TSHZ3: variants seen among roughly 807,000 people sequenced by gnomAD.
The protein encoded by TSHZ3 is teashirt homolog 3.
In TSHZ3, 10 loss-of-function variants were observed where a neutral mutation model predicts 64.5. The observed-to-expected ratio is 0.16, with a 90% confidence interval of 0.10 to 0.26. The LOEUF (loss-of-function observed/expected upper bound fraction) is 0.26, where lower values mean the gene tolerates loss of function less well. TSHZ3 is among the 10% of genes least tolerant of loss of function. The pLI is 1.00. For synonymous variants in TSHZ3, 608 were observed against 593.1 expected, an observed-to-expected ratio of 1.03 and a Z score of -0.36; for missense variants, 1,242 against 1,421.7, an observed-to-expected ratio of 0.87 and a Z score of 2.03.
chr19:31,178,482 C>T (rs1974647539), intron 5 of TSHZ3, among the ~76,000 whole-genome samples: 1 of 152,146 alleles, frequency 6.6e-6, no homozygotes, highest in South Asian at 2.1e-4. Flanking sequence ...GAGTTCAAGA[C>T]CAGCTTGGCC....
At chr19:31,241,686 G>A (rs1975692028) in intron 3 of TSHZ3, among the ~76,000 whole-genome samples, 1 of 152,166 alleles carries the variant, frequency 6.6e-6, no homozygotes, top group African/African-American at 2.4e-5. Context: ...AGCTCAGCAT[G>A]CCCACCATCC....
At position 31,276,837 on chromosome 19, in the gene TSHZ3, T is replaced by G; in HGVS notation, c.2956A>C (p.Arg986=). The change falls in exon 2 of 2, where the codon AGG becomes CGG. Residue 986 remains arginine, a synonymous_variant. Transcript: ENST00000240587. The part of the protein sequence containing the change: ...FFCNDCASQI[R]TPSTYISHLE... ...TGACTGATGTACGTGGAAGGAGTCC[T>G]GATTTGGGACGCACAATCGTTACAA... 6.2e-7 allele frequency: 1 copy of G among 1,614,236 alleles called. No homozygotes were observed. The highest frequency in any genetic ancestry group is 2.2e-5 in the East Asian group (1 of 44,874).
intron 5 of TSHZ3, among the ~76,000 whole-genome samples, chr19:31,161,588 T>C (rs1219338809): frequency 2.0e-5 from 3 of 152,148 alleles, no homozygotes; most frequent in African/African-American, 7.2e-5. Context: ...TAAGAGATGT[T>C]CTCTGAGTCG....
In TSHZ3 at chr19:31,279,538, C is replaced by T. The variant is rs775547291; in HGVS notation, c.255G>A (p.Met85Ile). 1 of 1,610,634 alleles carries T rather than the reference C, an allele frequency of 6.2e-7. No homozygotes were observed. The highest frequency in any genetic ancestry group is 1.1e-5 in the South Asian group (1 of 90,846). Residue 85 changes from methionine (M) to isoleucine (I), a missense_variant, in exon 2 of 2, where the codon ATG (methionine) becomes ATA (isoleucine). Met to Ile is a conservative substitution (Grantham distance 10). Transcript: ENST00000240587. This position sits in a 1 kb window ranked among gnomAD's most constrained non-coding sequence, Gnocchi z 6.4. ...TGATGGAGCCGCTTTCAAAGTCAGC[C>T]ATTCGGTCACTGGTCTCACTGATGT... is the stretch of plus-strand genomic sequence containing the variant. Reference protein sequence around the residue: ...ESHISETSDRMADFESGSIKN... With the variant: ...ESHISETSDRIADFESGSIKN...
chr19:31,284,326 C>T (rs529257709), intron 1 of TSHZ3, among the ~76,000 whole-genome samples: 2 of 152,140 alleles, frequency 1.3e-5, no homozygotes, highest in East Asian at 3.9e-4. Flanking sequence ...ACCCCATCCC[C>T]AACCAACTCC....
chr19:31,152,325 G>A (rs1175072505), intron 6 of TSHZ3, among the ~76,000 whole-genome samples: 3 of 151,888 alleles, frequency 2.0e-5, no homozygotes, highest in Non-Finnish European at 4.4e-5. Flanking sequence ...TATGTGGAAG[G>A]TGCTTCTGTT....
chr19:31,250,615 A>G (rs1568359737), intron 1 of TSHZ3, among the ~76,000 whole-genome samples: 2 of 152,106 alleles, frequency 1.3e-5, no homozygotes, highest in African/African-American at 4.8e-5. Context: ...TACGCTAAGT[A>G]TTTTTTTTAT....
intron 5 of TSHZ3, among the ~76,000 whole-genome samples, chr19:31,166,904 C>T (rs1490745708): frequency 3.3e-5 from 5 of 152,152 alleles, no homozygotes; most frequent in Admixed American, 2.0e-4. Flanking sequence ...AGGTAGATGA[C>T]AGTACAAGGA....
intron 5 of TSHZ3, among the ~76,000 whole-genome samples, chr19:31,202,437 C>T (rs1362626955): frequency 6.6e-6 from 1 of 151,824 alleles, no homozygotes; most frequent in Non-Finnish European, 1.5e-5. Context: ...AAGCTATTTG[C>T]TGTTTTGTAA....
intron 1 of TSHZ3, among the ~76,000 whole-genome samples, chr19:31,330,220 G>T (rs1917041821): frequency 6.6e-6 from 1 of 151,932 alleles, no homozygotes; most frequent in East Asian, 1.9e-4. Flanking sequence ...AAATTTGGGG[G>T]CAAAAATAAA....
intron 4 of TSHZ3, among the ~76,000 whole-genome samples, chr19:31,218,592 T>C (rs1410411628): frequency 6.6e-6 from 1 of 152,154 alleles, no homozygotes; most frequent in Non-Finnish European, 1.5e-5. Context: ...ACATAAAAAC[T>C]CCCACGTGGA....
chr19:31,171,080 G>A (rs1254289965), intron 5 of TSHZ3, among the ~76,000 whole-genome samples: 1 of 152,120 alleles, frequency 6.6e-6, no homozygotes, highest in African/African-American at 2.4e-5. Flanking sequence ...TTTACACTTG[G>A]TGGGAAAAAT....
chr19:31,262,266 C>T (rs952375123), intron 1 of TSHZ3, among the ~76,000 whole-genome samples: 5 of 152,222 alleles, frequency 3.3e-5, no homozygotes, highest in Admixed American at 1.3e-4. Flanking sequence ...TACAGTACTT[C>T]AGTGCTGAGG....
At chr19:31,342,104 T>TTTA (rs1429625749) in intron 1 of TSHZ3, among the ~76,000 whole-genome samples, 1 of 152,266 alleles carries the variant, frequency 6.6e-6, no homozygotes, top group Non-Finnish European at 1.5e-5. Context: ...CCATATTACC[T>TTTA]TTATTATGTG....
intron 4 of TSHZ3, among the ~76,000 whole-genome samples, chr19:31,208,635 A>G (rs1975219514): frequency 6.6e-6 from 1 of 152,242 alleles, no homozygotes; most frequent in African/African-American, 2.4e-5. Context: ...TAGGATTAGA[A>G]GAGTCATAGC....
chr19:31,235,763 T>C (rs1163178266), intron 3 of TSHZ3, among the ~76,000 whole-genome samples: 4 of 145,008 alleles, frequency 2.8e-5, no homozygotes, highest in Non-Finnish European at 6.0e-5. Context: ...CAGGCTGGAG[T>C]GCAGTGGCAC....
At position 31,277,609 on chromosome 19, in the gene TSHZ3, G is replaced by C; in HGVS notation, c.2184C>G (p.Val728=). The C allele has an allele frequency of 6.3e-7, 1 of 1,586,628 alleles. No individual in the cohort carries two copies. Among genetic ancestry groups the C allele is most frequent in the African/African-American group, 1.3e-5 (1 of 74,270 alleles). The part of the protein sequence containing the change: ...FVNPLSALQS[V]MNIHLGKAAK... The stretch of plus-strand genomic sequence containing the variant: ...CGGCCTTGCCCAGGTGAATGTTCAT[G>C]ACTGACTGCAGGGCGCTCAAAGGGT... The change falls in exon 2 of 2, where the codon GTC becomes GTG. Residue 728 remains valine, a synonymous_variant. Coordinates refer to ENST00000240587, the MANE Select transcript of TSHZ3 (RefSeq NM_020856.4). This position sits in a 1 kb window ranked among gnomAD's most constrained non-coding sequence, Gnocchi z 4.5.
intron 5 of TSHZ3, among the ~76,000 whole-genome samples, chr19:31,165,213 G>T (rs1025463628): frequency 1.3e-5 from 2 of 152,180 alleles, no homozygotes; most frequent in African/African-American, 4.8e-5. Context: ...TTCAGCTACC[G>T]CTGTGAACCC....
At chr19:31,338,773 T>A (rs1228505288) in intron 1 of TSHZ3, among the ~76,000 whole-genome samples, 1 of 152,088 alleles carries the variant, frequency 6.6e-6, no homozygotes, top group Non-Finnish European at 1.5e-5. Context: ...TTTCTCTGTG[T>A]CCTTGGAAAT....
Sources: allele counts gnomAD v4.1 joint callset (sites outside exome capture counted in the v4.1 genomes callset), GRCh38; gene constraint gnomAD v4.1.1; non-coding constraint Gnocchi (gnomAD v3.1); transcripts MANE v1.5; gene names NCBI Gene and HGNC (gene_info 2026-07-23, HGNC 2026-07-21).